The following UBE2E2 variants were observed in gnomAD, a reference collection of about 807,000 sequenced individuals.
UBE2E2 encodes the protein ubiquitin-conjugating enzyme E2 E2.
In UBE2E2, 6 loss-of-function variants were observed where a neutral mutation model predicts 24.7. The observed-to-expected ratio is 0.24, with a 90% confidence interval of 0.13 to 0.48. The LOEUF is 0.48. UBE2E2 is among the 20% of genes least tolerant of loss of function. The pLI, the probability that UBE2E2 is intolerant of heterozygous loss-of-function variation, is 0.99. For missense variants in UBE2E2, 169 were observed against 245.0 expected, an observed-to-expected ratio of 0.69 and a Z score of 2.07; for synonymous variants, 104 against 83.6, an observed-to-expected ratio of 1.24 and a Z score of -1.33.
At chr3:23,532,034 C>T (rs1199049026) in intron 4 of UBE2E2, among the ~76,000 whole-genome samples, 1 of 150,046 alleles carries the variant, frequency 6.7e-6, no homozygotes, top group Non-Finnish European at 1.5e-5. Flanking sequence ...TGCACTCCAG[C>T]CTGGGCAACA....
intron 3 of UBE2E2, chr3:23,323,459 G>C: frequency 2.4e-6 from 1 of 417,496 alleles, no homozygotes; most frequent in Non-Finnish European, 4.8e-6. Flanking sequence ...AGTAATACGG[G>C]GTGAGCATCC....
chr3:23,487,964 G>A (rs1056471784), intron 3 of UBE2E2, among the ~76,000 whole-genome samples: 1 of 151,110 alleles, frequency 6.6e-6, no homozygotes, highest in African/African-American at 2.4e-5. Flanking sequence ...GGGTCTTGGA[G>A]CTAGATGATT....
Position 23,407,651 on chromosome 3 carries a change from GTGT to G in UBE2E2, c.228-91956_228-91954del, listed in dbSNP as rs1697396585. Among the ~76,000 whole-genome samples the G allele has an allele frequency of 1.9e-5, 1 of 51,372 alleles. No individual in the cohort carries two copies. Among genetic ancestry groups the G allele is most frequent in the African/African-American group, 1.3e-4 (1 of 7,792 alleles). 33.7% of individuals were successfully genotyped at this position (51,372 alleles called of 152,430 possible). ...TGTTTGTGTGTGCATGCGTGCATGT[GTGT>G]GTGTGTGTGTGTGTGTGTGTGTGTG... is the stretch of plus-strand genomic sequence containing the variant. On this transcript the variant is annotated intron_variant, in intron 3 of 5. Coordinates refer to ENST00000396703, the MANE Select transcript of UBE2E2 (RefSeq NM_152653.4). The surrounding 1 kb of genome is among the most constrained non-coding windows in gnomAD (Gnocchi z 4.0).
intron 1 of UBE2E2, among the ~76,000 whole-genome samples, chr3:23,207,238 AATG>A (rs1157164500): frequency 6.6e-6 from 1 of 152,164 alleles, no homozygotes; most frequent in Non-Finnish European, 1.5e-5. Context: ...ATTATGATAG[AATG>A]ACAGTTGAGG....
At chr3:23,524,463 G>A (rs920966073) in intron 4 of UBE2E2, among the ~76,000 whole-genome samples, 1 of 152,142 alleles carries the variant, frequency 6.6e-6, no homozygotes, top group African/African-American at 2.4e-5. Flanking sequence ...TGTGGGTATA[G>A]CTGTTATTTT....
At chr3:23,499,543 G>C in intron 3 of UBE2E2, 65 bp from the exon 4 acceptor site, 1 of 1,553,400 alleles carries the variant, frequency 6.4e-7, no homozygotes, top group Non-Finnish European at 8.7e-7. Context: ...ATCATAAATA[G>C]ATTTTGTTAA....
intron 4 of UBE2E2, among the ~76,000 whole-genome samples, chr3:23,516,428 A>G (rs1694742797): frequency 6.6e-6 from 1 of 152,190 alleles, no homozygotes; most frequent in African/African-American, 2.4e-5. Context: ...TTAGAGAAGA[A>G]AAGCCTAATA....
chr3:23,546,783 G>A (rs1027123287), intron 5 of UBE2E2, among the ~76,000 whole-genome samples: 1 of 151,916 alleles, frequency 6.6e-6, no homozygotes, highest in South Asian at 2.1e-4. Context: ...AGAACATTTA[G>A]ATTTTAATTA....
At chr3:23,410,858 C>T (rs559822389) in intron 3 of UBE2E2, among the ~76,000 whole-genome samples, 1 of 152,184 alleles carries the variant, frequency 6.6e-6, no homozygotes, top group African/African-American at 2.4e-5. Flanking sequence ...GTTTTGATAG[C>T]AAATGGGCAT....
intron 3 of UBE2E2, among the ~76,000 whole-genome samples, chr3:23,330,849 T>C (rs1390606660): frequency 1.3e-5 from 2 of 152,202 alleles, no homozygotes; most frequent in Non-Finnish European, 2.9e-5. Flanking sequence ...TTAATAAAAG[T>C]ATATAAGAAA....
intron 3 of UBE2E2, among the ~76,000 whole-genome samples, chr3:23,306,748 C>G (rs1368907969): frequency 1.3e-5 from 2 of 152,172 alleles, no homozygotes; most frequent in African/African-American, 4.8e-5. Context: ...ACCTACGGAG[C>G]AAGAACCACC....
At chr3:23,506,550 G>A (rs188542067) in intron 4 of UBE2E2, among the ~76,000 whole-genome samples, 14 of 152,190 alleles carry the variant, frequency 9.2e-5, no homozygotes, top group Admixed American at 7.2e-4. Flanking sequence ...ACTCTTTGGC[G>A]CAAACCACCG....
chr3:23,552,282 G>A (rs1223655887), intron 5 of UBE2E2, among the ~76,000 whole-genome samples: 2 of 152,130 alleles, frequency 1.3e-5, no homozygotes, highest in East Asian at 3.8e-4. Flanking sequence ...GAGCCCAGGG[G>A]TTCGAGGTTG....
chr3:23,461,849 T>G (rs1698810505), intron 3 of UBE2E2, among the ~76,000 whole-genome samples: 1 of 152,200 alleles, frequency 6.6e-6, no homozygotes, highest in South Asian at 2.1e-4. Context: ...TTCTGAAAAC[T>G]CAAACTATTC....
At chr3:23,242,905 G>A (rs913480560) in intron 3 of UBE2E2, among the ~76,000 whole-genome samples, 1 of 151,956 alleles carries the variant, frequency 6.6e-6, no homozygotes. Context: ...GGCCAACATG[G>A]TGAAACCCTG....
chr3:23,443,704 C>T (rs1698357043), intron 3 of UBE2E2, among the ~76,000 whole-genome samples: 2 of 152,154 alleles, frequency 1.3e-5, no homozygotes, highest in African/African-American at 4.8e-5. Flanking sequence ...GGTTAGACAG[C>T]TGGACTAAGA....
chr3:23,545,003 T>G (rs1406724013), intron 5 of UBE2E2, among the ~76,000 whole-genome samples: 9 of 152,236 alleles, frequency 5.9e-5, no homozygotes, highest in Admixed American at 5.9e-4. Context: ...AACATCTCAA[T>G]GCTTTACAAA....
intron 3 of UBE2E2, among the ~76,000 whole-genome samples, chr3:23,314,643 G>A (rs1280029776): frequency 6.6e-6 from 1 of 152,178 alleles, no homozygotes; most frequent in Non-Finnish European, 1.5e-5. Context: ...CAGGTCTGGT[G>A]TTGATGAAAT....
At chr3:23,222,574 G>A (rs1696684027) in intron 3 of UBE2E2, among the ~76,000 whole-genome samples, 1 of 152,138 alleles carries the variant, frequency 6.6e-6, no homozygotes, top group Admixed American at 6.5e-5. Flanking sequence ...TCTCTTGTCT[G>A]CCACCATGTG....
Sources: gnomAD v4.1 joint callset for allele counts (sites outside exome capture counted in the v4.1 genomes callset) on GRCh38, gnomAD v4.1.1 for gene constraint, Gnocchi (gnomAD v3.1) non-coding constraint, MANE v1.5 for transcripts, NCBI Gene and HGNC (gene_info 2026-07-23, HGNC 2026-07-21) for gene names.